Variants in COL23A1 observed in about 807,000 individuals in gnomAD.
The protein encoded by COL23A1 is collagen type XXIII alpha 1 chain, also known as collagen alpha-1(XXIII) chain.
Under a neutral mutation model 99.3 loss-of-function variants are expected in COL23A1, and 97 were observed. The observed-to-expected ratio is 0.98, with a 90% CI of 0.83 to 1.16. COL23A1 has a LOEUF of 1.16. COL23A1 is among the 50% of genes most tolerant of loss of function. COL23A1 has a pLI of 0.00. For synonymous variants in COL23A1, 320 were observed against 308.2 expected (o/e 1.04, Z -0.40); for missense variants, 762 against 757.4 (o/e 1.01, Z -0.07).
At chr5:178,556,550 G>A (rs974982524) in intron 2 of COL23A1, among the ~76,000 whole-genome samples, 13 of 151,800 alleles carry the variant, frequency 8.6e-5, no homozygotes, top group Admixed American at 7.9e-4. Context: ...TTGAACCTGG[G>A]AGGTGGAGGT....
At chr5:178,416,016 A>C (rs1385702139) in intron 2 of COL23A1, among the ~76,000 whole-genome samples, 2 of 152,124 alleles carry the variant, frequency 1.3e-5, no homozygotes, top group African/African-American at 4.8e-5. Context: ...AGAGATCCAG[A>C]AACAGTAGGC....
intron 2 of COL23A1, among the ~76,000 whole-genome samples, chr5:178,533,416 G>T (rs901965647): frequency 1.3e-5 from 2 of 152,178 alleles, no homozygotes; most frequent in Non-Finnish European, 2.9e-5. Context: ...TCATGAAGTG[G>T]AATGCTACAG....
rs1198963772 is a variant in COL23A1 at position 178,384,595 on chromosome 5, C to T, written c.362-77676G>A. Among the ~76,000 whole-genome samples, 4 of 152,190 alleles carry T rather than the reference C, an allele frequency of 2.6e-5. No homozygotes were observed. The highest frequency in any genetic ancestry group is 7.2e-5 in the African/African-American group (3 of 41,464). ...TGCTCCTGCGCTGATTCTGCTCCTG[C>T]CTCAGAGATCACGGTTTGACATGGG... On this transcript the variant is annotated intron_variant, in intron 2 of 28. Transcript: ENST00000390654. The surrounding 1 kb of genome is among the most constrained non-coding windows in gnomAD (Gnocchi z 5.5).
intron 2 of COL23A1, among the ~76,000 whole-genome samples, chr5:178,521,849 A>AG (rs1437769894): frequency 2.0e-5 from 3 of 152,202 alleles, no homozygotes; most frequent in Non-Finnish European, 2.9e-5. Flanking sequence ...GGCTGGGGTC[A>AG]GGGGTATAAA....
At chr5:178,265,850 G>T in intron 8 of COL23A1, 1 of 238,852 alleles carries the variant, frequency 4.2e-6, no homozygotes, top group Non-Finnish European at 6.8e-6. Flanking sequence ...TAGGTGATCA[G>T]GTGTGCAGAC....
intron 3 of COL23A1, among the ~76,000 whole-genome samples, chr5:178,294,939 T>C (rs1257502401): frequency 6.6e-6 from 1 of 152,136 alleles, no homozygotes; most frequent in African/African-American, 2.4e-5. Context: ...GTCAGGAGTT[T>C]GAGATCAGCC....
intron 2 of COL23A1, among the ~76,000 whole-genome samples, chr5:178,335,772 A>G (rs1471504300): frequency 6.6e-6 from 1 of 152,220 alleles, no homozygotes; most frequent in Non-Finnish European, 1.5e-5. Flanking sequence ...CACTGTGATC[A>G]CTGGCAAAGT....
chr5:178,490,111 C>T (rs1277636586), intron 2 of COL23A1, among the ~76,000 whole-genome samples: 1 of 151,758 alleles, frequency 6.6e-6, no homozygotes, highest in Non-Finnish European at 1.5e-5. Flanking sequence ...TGGTGGGCGC[C>T]TGTACTCAGG....
chr5:178,465,415 G>A (rs1756362016), intron 2 of COL23A1, among the ~76,000 whole-genome samples: 1 of 152,200 alleles, frequency 6.6e-6, no homozygotes, highest in South Asian at 2.1e-4. Context: ...TGGTGCATCT[G>A]TTTTCTCTCT....
chr5:178,451,266 C>T (rs1262637929), intron 2 of COL23A1, among the ~76,000 whole-genome samples: 1 of 152,102 alleles, frequency 6.6e-6, no homozygotes, highest in African/African-American at 2.4e-5. Flanking sequence ...TTCCCATATT[C>T]CTTTACTATT....
intron 3 of COL23A1, among the ~76,000 whole-genome samples, chr5:178,293,257 A>G (rs1341346894): frequency 6.6e-6 from 1 of 151,962 alleles, no homozygotes; most frequent in African/African-American, 2.4e-5. Context: ...GGAGAGTCCT[A>G]GAGCCACATT....
chr5:178,296,922 T>C (rs537647973), intron 3 of COL23A1, among the ~76,000 whole-genome samples: 20 of 152,240 alleles, frequency 1.3e-4, no homozygotes, highest in Admixed American at 5.2e-4. Flanking sequence ...CGACTCCTCC[T>C]CCTGGGCACC....
chr5:178,354,015 C>A (rs1761483072), intron 2 of COL23A1, among the ~76,000 whole-genome samples: 1 of 151,844 alleles, frequency 6.6e-6, no homozygotes. Flanking sequence ...TGTTTGTTTG[C>A]ATGAGCCTAA....
chr5:178,251,262 C>T (rs1765018828), intron 17 of COL23A1, among the ~76,000 whole-genome samples: 1 of 152,026 alleles, frequency 6.6e-6, no homozygotes, highest in South Asian at 2.1e-4. Context: ...ACCTTGTGAT[C>T]CACCCGCCTC....
At chr5:178,314,766 A>G (rs1758890577) in intron 2 of COL23A1, among the ~76,000 whole-genome samples, 1 of 152,168 alleles carries the variant, frequency 6.6e-6, no homozygotes, top group East Asian at 1.9e-4. Context: ...TGTTACTGTT[A>G]TCTCCATTTT....
chr5:178,243,414 G>A (rs1244586431), intron 25 of COL23A1, among the ~76,000 whole-genome samples: 2 of 150,824 alleles, frequency 1.3e-5, no homozygotes, highest in African/African-American at 4.9e-5. Context: ...TTGAACCCGG[G>A]AGACAGAAGT....
intron 2 of COL23A1, among the ~76,000 whole-genome samples, chr5:178,418,032 A>C (rs922168834): frequency 6.6e-6 from 1 of 152,238 alleles, no homozygotes; most frequent in African/African-American, 2.4e-5. Context: ...GTGGGGCTGC[A>C]GAAGTCAGGC....
intron 2 of COL23A1, among the ~76,000 whole-genome samples, chr5:178,391,988 T>C (rs1333492451): frequency 1.3e-5 from 2 of 152,152 alleles, no homozygotes; most frequent in Admixed American, 6.5e-5. Context: ...AAGTCACGTA[T>C]TATATGATCC....
chr5:178,360,233 T>G (rs1322401655), intron 2 of COL23A1, among the ~76,000 whole-genome samples: 1 of 152,158 alleles, frequency 6.6e-6, no homozygotes, highest in Non-Finnish European at 1.5e-5. Context: ...TCAGACCAAG[T>G]GTAGGGATTT....
Sources: allele counts gnomAD v4.1 joint callset (sites outside exome capture counted in the v4.1 genomes callset), GRCh38; gene constraint gnomAD v4.1.1; non-coding constraint Gnocchi (gnomAD v3.1); transcripts MANE v1.5; gene names NCBI Gene and HGNC (gene_info 2026-07-23, HGNC 2026-07-21).